RABGEF1: variants seen among roughly 807,000 people sequenced by gnomAD.
The protein encoded by RABGEF1 is rab5 GDP/GTP exchange factor.
Under a neutral mutation model 57.3 loss-of-function variants are expected in RABGEF1, and 26 were observed. The observed-to-expected ratio is 0.45, with a 90% confidence interval of 0.33 to 0.63. The LOEUF is 0.63. Ranked by LOEUF, RABGEF1 falls within the 20% of genes least tolerant of loss-of-function variation. RABGEF1 has a pLI of 0.02. For synonymous variants in RABGEF1, 185 were observed against 210.7 expected, an observed-to-expected ratio of 0.88 and a Z score of 1.06; for missense variants, 464 against 607.6, an observed-to-expected ratio of 0.76 and a Z score of 2.48.
At chr7:66,659,126 A>G in the RABGEF1 span, among the ~76,000 whole-genome samples, 2 of 152,090 alleles carry the variant, frequency 1.3e-5, no homozygotes. Flanking sequence ...ACTGACCAAT[A>G]TTGCTTATGA....
chr7:66,684,690 A>G (rs564180141), intron 1 of RABGEF1, among the ~76,000 whole-genome samples: 7 of 152,270 alleles, frequency 4.6e-5, no homozygotes, highest in Non-Finnish European at 7.4e-5. Context: ...GCTGGAGTGC[A>G]GTGGCCTGAT....
chr7:66,742,160 AC>A (rs368791850), intron 1 of RABGEF1, among the ~76,000 whole-genome samples: 4 of 151,768 alleles, frequency 2.6e-5, no homozygotes. Context: ...CAAAAAAAAA[AC>A]TAAGAGTCTG....
the RABGEF1 span, among the ~76,000 whole-genome samples, chr7:66,658,422 A>G: frequency 5.8e-4 from 88 of 152,038 alleles, no homozygotes; most frequent in African/African-American, 2.0e-3. Flanking sequence ...AATCACAGCA[A>G]CTCAGGAGGC....
chr7:66,794,746 C>T (rs62464651), intron 4 of RABGEF1, among the ~76,000 whole-genome samples: 5,581 of 151,892 alleles, frequency 0.037, 160 homozygotes, highest in East Asian at 0.085. Context: ...GACAGAGAAC[C>T]GAAAAGAAGA....
chr7:66,657,663 A>G, the RABGEF1 span, among the ~76,000 whole-genome samples: 20 of 152,166 alleles, frequency 1.3e-4, no homozygotes, highest in East Asian at 9.6e-4. Context: ...GCTACTAAAA[A>G]TACAAAAATT....
intron 4 of RABGEF1, among the ~76,000 whole-genome samples, chr7:66,793,022 T>G (rs1813094721): frequency 6.6e-6 from 1 of 152,198 alleles, no homozygotes; most frequent in Non-Finnish European, 1.5e-5. Context: ...AAAAGGAGTT[T>G]TCGGCATTGT....
intron 5 of RABGEF1, 87 bp from the exon 6 acceptor site, chr7:66,797,287 G>C: frequency 1.5e-6 from 2 of 1,362,806 alleles, no homozygotes; most frequent in African/African-American, 1.6e-5. Context: ...CTGGGCGACA[G>C]AGCCAGACTC....
upstream of RABGEF1, among the ~76,000 whole-genome samples, chr7:66,738,768 C>T (rs549481753): frequency 6.7e-6 from 1 of 148,864 alleles, no homozygotes; most frequent in South Asian, 2.1e-4. Context: ...CATTCTGTTT[C>T]ACAGAATGGT....
chr7:66,664,077 GAAAA>G, the RABGEF1 span, among the ~76,000 whole-genome samples: 100 of 77,916 alleles, frequency 1.3e-3, no homozygotes, highest in African/African-American at 4.3e-3. Context: ...GTCTCAAAAA[GAAAA>G]AAAAAAAAAA....
At chr7:66,700,371 A>G (rs1050283302) in intron 1 of RABGEF1, among the ~76,000 whole-genome samples, 28 of 152,032 alleles carry the variant, frequency 1.8e-4, no homozygotes, top group African/African-American at 5.1e-4. Flanking sequence ...CTGACATGCC[A>G]TGGATGAGGG....
At chr7:66,692,803 C>T (rs969350564) in intron 1 of RABGEF1, among the ~76,000 whole-genome samples, 7 of 151,900 alleles carry the variant, frequency 4.6e-5, no homozygotes, top group Admixed American at 3.9e-4. Flanking sequence ...CCAAGGAGGA[C>T]ATGGAGACTC....
intron 7 of RABGEF1, among the ~76,000 whole-genome samples, chr7:66,800,336 C>T (rs954067968): frequency 1.3e-5 from 2 of 152,164 alleles, no homozygotes; most frequent in East Asian, 1.9e-4. Context: ...GGCTATCTTA[C>T]TGCCTCTACA....
intron 1 of RABGEF1, among the ~76,000 whole-genome samples, chr7:66,687,083 A>C (rs1333724479): frequency 7.0e-6 from 1 of 143,586 alleles, no homozygotes; most frequent in African/African-American, 2.6e-5. Context: ...AGCCTCCCAA[A>C]GTGCTGAGAT....
rs1469562077 is a variant in RABGEF1, at chr7:66,684,161, C to T, written c.-873+1903C>T. Among the ~76,000 whole-genome samples the T allele has an allele frequency of 2.0e-5, 3 of 152,208 alleles. No individual in the cohort carries two copies. The South Asian group carries it at 6.2e-4, about 32-fold the overall frequency. On this transcript the variant is annotated intron_variant and NMD_transcript_variant, in intron 1 of 9. Transcript: ENST00000607882. ...TCCTTATGTGGTTAAAATGGGTCTC[C>T]CTGGCTAGCTGCGGTGGCTTATGCC...
chr7:66,765,556 A>G (rs1302716911), intron 1 of RABGEF1, among the ~76,000 whole-genome samples: 2 of 152,140 alleles, frequency 1.3e-5, no homozygotes, highest in African/African-American at 4.8e-5. Context: ...AACCTTAGCC[A>G]GGGATTGGAA....
intron 2 of RABGEF1, 82 bp from the exon 3 acceptor site, chr7:66,775,145 T>G: frequency 1.4e-6 from 2 of 1,428,538 alleles, no homozygotes; most frequent in African/African-American, 1.4e-5. Context: ...TAGATCCTCC[T>G]GAATTAATGG....
intron 1 of RABGEF1, among the ~76,000 whole-genome samples, chr7:66,766,903 C>T (rs1805866154): frequency 6.6e-6 from 1 of 151,398 alleles, no homozygotes; most frequent in Non-Finnish European, 1.5e-5. Context: ...CACTGTGTTA[C>T]CTCAAGTCCT....
intron 1 of RABGEF1, among the ~76,000 whole-genome samples, chr7:66,754,971 T>C (rs1425288098): frequency 1.3e-5 from 2 of 152,074 alleles, no homozygotes; most frequent in South Asian, 4.2e-4. Context: ...GGCCAGGAGT[T>C]CGAGACCAGC....
the RABGEF1 span, among the ~76,000 whole-genome samples, chr7:66,675,212 C>T: frequency 6.6e-6 from 1 of 152,110 alleles, no homozygotes; most frequent in Non-Finnish European, 1.5e-5. Flanking sequence ...TGTAACACAG[C>T]TGGCAGTCTG....
Sources: allele counts gnomAD v4.1 joint callset (sites outside exome capture counted in the v4.1 genomes callset), GRCh38; gene constraint gnomAD v4.1.1; transcripts MANE v1.5; gene names NCBI Gene and HGNC (gene_info 2026-07-23, HGNC 2026-07-21).